The following PCDH15 variants were observed in gnomAD, a reference collection of about 807,000 sequenced individuals.
PCDH15 encodes protocadherin related 15.
PCDH15 carries 129 observed loss-of-function variants against 178.5 expected under a neutral mutation model. The ratio of observed to expected loss-of-function variants is 0.72; its 90% CI spans 0.63 to 0.84. The LOEUF (loss-of-function observed/expected upper bound fraction) is 0.84. Ranked by LOEUF, PCDH15 falls within the 40% of genes least tolerant of loss-of-function variation. The pLI is 0.00. For synonymous variants in PCDH15, 800 were observed against 732.0 expected (o/e 1.09, Z -1.50); for missense variants, 2,230 against 2,099.9 (o/e 1.06, Z -1.21).
chr10:55,237,867 T>G, intron 1 of PCDH15, among the ~76,000 whole-genome samples: 1 of 152,182 alleles, frequency 6.6e-6, no homozygotes, highest in Non-Finnish European at 1.5e-5. Context: ...TTATATAAAC[T>G]ATTTTAATAT....
At chr10:54,885,509 G>A (rs1954341447) in intron 3 of PCDH15, among the ~76,000 whole-genome samples, 1 of 151,558 alleles carries the variant, frequency 6.6e-6, no homozygotes, top group Admixed American at 6.6e-5. Flanking sequence ...CTAGTAAAAA[G>A]CAAATAAAAA....
chr10:54,601,520 T>C lies in PCDH15; in HGVS notation c.91+62652A>G, dbSNP rs58373787. Among the ~76,000 whole-genome samples, 917 of 152,128 alleles carry C rather than the reference T, an allele frequency of 6.0e-3. 9 individuals are homozygous for C. The highest frequency in any genetic ancestry group is 0.021 in the African/African-American group (880 of 41,542). Reference sequence around the variant, plus strand: ...ATCTCACACCAGTCAGAAAGCTTTTTATTAAAAAGTCAGAAAGTAGCATAT... The same window carrying C: ...ATCTCACACCAGTCAGAAAGCTTTTCATTAAAAAGTCAGAAAGTAGCATAT... On this transcript the variant is annotated intron_variant, in intron 2 of 37. Coordinates refer to ENST00000644397, the MANE Select transcript of PCDH15 (RefSeq NM_001384140.1).
chr10:54,462,289 C>CAT, intron 3 of PCDH15, among the ~76,000 whole-genome samples: 1 of 140,810 alleles, frequency 7.1e-6, no homozygotes, highest in East Asian at 2.2e-4. Flanking sequence ...TGGAAGGAAA[C>CAT]ACACACACAC....
intron 15 of PCDH15, among the ~76,000 whole-genome samples, chr10:54,127,904 G>T (rs1475875433): frequency 2.0e-5 from 3 of 151,976 alleles, no homozygotes; most frequent in Admixed American, 6.6e-5. Context: ...TAATTAATAT[G>T]ATGCCTTACT....
chr10:54,861,785 T>C (rs552309372), intron 3 of PCDH15, among the ~76,000 whole-genome samples: 1 of 152,310 alleles, frequency 6.6e-6, no homozygotes, highest in Non-Finnish European at 1.5e-5. Context: ...TATGATTTTA[T>C]ACATAAAAAC....
intron 1 of PCDH15, among the ~76,000 whole-genome samples, chr10:54,760,275 A>G (rs1419584976): frequency 6.6e-6 from 1 of 152,148 alleles, no homozygotes; most frequent in African/African-American, 2.4e-5. Flanking sequence ...TTTCCTTTTT[A>G]ATTTACCTCA....
rs1288283129 is a variant in PCDH15, at chr10:54,332,283, T to C, written c.595-2577A>G. Among the ~76,000 whole-genome samples, 2 of 113,688 alleles carry C rather than the reference T, an allele frequency of 1.8e-5. 1 individual carries two copies. Among genetic ancestry groups the C allele is most frequent in the Non-Finnish European group, 3.7e-5 (2 of 54,778 alleles). The allele number at this position is 113,688 out of a possible 152,430, so 74.6% of individuals were successfully genotyped here. On this transcript the variant is annotated intron_variant, in intron 6 of 37. Coordinates refer to ENST00000644397, the MANE Select transcript of PCDH15 (RefSeq NM_001384140.1). The stretch of plus-strand genomic sequence containing the variant: ...TTATATATTATTATATATAATATAA[T>C]ATAATCTATATTACATATTATTATA...
chr10:55,560,444 T>C (rs1191831911), intron 2 of PCDH15, among the ~76,000 whole-genome samples: 2 of 151,912 alleles, frequency 1.3e-5, no homozygotes, highest in African/African-American at 2.4e-5. Context: ...TAATTGATAG[T>C]GAATTAAAAT....
chr10:54,246,374 T>A (rs1214030607), intron 8 of PCDH15, among the ~76,000 whole-genome samples: 1 of 151,944 alleles, frequency 6.6e-6, no homozygotes. Context: ...TATGAAAGAT[T>A]TGTTTTACCT....
intron 10 of PCDH15, among the ~76,000 whole-genome samples, chr10:54,200,349 C>T (rs537663715): frequency 9.4e-5 from 13 of 139,024 alleles, no homozygotes; most frequent in Non-Finnish European, 1.2e-4. Flanking sequence ...TACGCATACA[C>T]GTCCCATGGT....
intron 1 of PCDH15, among the ~76,000 whole-genome samples, chr10:54,725,224 T>C (rs1328220736): frequency 6.6e-6 from 1 of 151,180 alleles, no homozygotes; most frequent in Non-Finnish European, 1.5e-5. Flanking sequence ...TATATTAATA[T>C]TACTAATTTG....
chr10:54,932,231 G>A (rs1224581069), intron 2 of PCDH15, among the ~76,000 whole-genome samples: 1 of 152,206 alleles, frequency 6.6e-6, no homozygotes, highest in African/African-American at 2.4e-5. Context: ...CTTCACGCAT[G>A]TCACTGCCCA....
At chr10:54,787,481 G>T (rs1484160557) in intron 1 of PCDH15, among the ~76,000 whole-genome samples, 2 of 151,924 alleles carry the variant, frequency 1.3e-5, no homozygotes, top group Non-Finnish European at 2.9e-5. Flanking sequence ...GATTCAATGT[G>T]AGAGGCTACT....
At chr10:54,783,549 T>C (rs1037411202) in intron 1 of PCDH15, among the ~76,000 whole-genome samples, 1 of 152,076 alleles carries the variant, frequency 6.6e-6, no homozygotes, top group African/African-American at 2.4e-5. Context: ...CTGATGAAGA[T>C]AAGAATTCAT....
intron 2 of PCDH15, among the ~76,000 whole-genome samples, chr10:54,576,496 C>T (rs949846846): frequency 1.1e-4 from 17 of 152,268 alleles, no homozygotes; most frequent in African/African-American, 4.1e-4. Context: ...TGCTGCAGGG[C>T]AAGATCTTTG....
At chr10:54,003,626 C>G (rs2092265934) in intron 20 of PCDH15, among the ~76,000 whole-genome samples, 1 of 149,838 alleles carries the variant, frequency 6.7e-6, no homozygotes, top group African/African-American at 2.5e-5. Context: ...AAGTATCAAG[C>G]TGTAATGAAA....
intron 26 of PCDH15, 101 bp downstream of exon 26, chr10:53,903,142 T>C (rs1564728483): frequency 7.4e-7 from 1 of 1,353,760 alleles, no homozygotes; most frequent in Non-Finnish European, 1.0e-6. Context: ...CTTTTGTTTA[T>C]ACAGCATAAG....
chr10:54,110,152 C>T (rs1223850147), intron 15 of PCDH15, among the ~76,000 whole-genome samples: 2 of 151,794 alleles, frequency 1.3e-5, no homozygotes, highest in Non-Finnish European at 2.9e-5. Context: ...GCGCCAGTGG[C>T]AGCCAGGCGT....
chr10:55,175,599 G>C (rs1016974646), intron 1 of PCDH15, among the ~76,000 whole-genome samples: 1 of 146,942 alleles, frequency 6.8e-6, no homozygotes, highest in Non-Finnish European at 1.5e-5. Context: ...CCGGGAGGCA[G>C]AGGTTGCAGT....
Sources: gnomAD v4.1 joint callset for allele counts (sites outside exome capture counted in the v4.1 genomes callset) on GRCh38, gnomAD v4.1.1 for gene constraint, MANE v1.5 for transcripts, NCBI Gene and HGNC (gene_info 2026-07-23, HGNC 2026-07-21) for gene names.